Variants in CLSTN2 observed in about 807,000 individuals in gnomAD.
The protein encoded by CLSTN2 is calsyntenin 2.
CLSTN2 carries 48 observed loss-of-function variants against 101.2 expected under a neutral mutation model. The observed-to-expected ratio is 0.47, with a 90% CI of 0.38 to 0.60. CLSTN2 has a LOEUF of 0.60. Ranked by LOEUF, CLSTN2 falls within the 20% of genes least tolerant of loss-of-function variation. CLSTN2 has a pLI of 0.00. For missense variants in CLSTN2, 1,160 were observed against 1,238.2 expected, an observed-to-expected ratio of 0.94 and a Z score of 0.95; for synonymous variants, 481 against 463.6, an observed-to-expected ratio of 1.04 and a Z score of -0.48.
At chr3:140,481,081 T>C (rs1475885150) in intron 8 of CLSTN2, among the ~76,000 whole-genome samples, 1 of 152,210 alleles carries the variant, frequency 6.6e-6, no homozygotes, top group Non-Finnish European at 1.5e-5. Flanking sequence ...TGGTTTTAGG[T>C]CTAACATTTA....
intron 2 of CLSTN2, among the ~76,000 whole-genome samples, chr3:140,267,776 C>A (rs1347337685): frequency 6.6e-6 from 1 of 152,094 alleles, no homozygotes; most frequent in Non-Finnish European, 1.5e-5. Flanking sequence ...TTTGCTACCT[C>A]AACATTACAT....
chr3:140,419,034 T>TA (rs150492676), intron 4 of CLSTN2, among the ~76,000 whole-genome samples: 13 of 150,940 alleles, frequency 8.6e-5, no homozygotes, highest in East Asian at 2.0e-4. Context: ...GACCTTTTTT[T>TA]AAAAAAAAAA....
chr3:140,451,357 C>A (rs540927661), intron 6 of CLSTN2, among the ~76,000 whole-genome samples: 3 of 152,302 alleles, frequency 2.0e-5, no homozygotes, highest in African/African-American at 7.2e-5. Context: ...TACTGCCAAC[C>A]TTGCCTTGCA....
chr3:140,318,723 C>A (rs2087254267), intron 2 of CLSTN2, among the ~76,000 whole-genome samples: 1 of 152,180 alleles, frequency 6.6e-6, no homozygotes, highest in Non-Finnish European at 1.5e-5. Context: ...CTTATTGGAG[C>A]CACCAGTCTG....
chr3:140,325,859 T>C (rs1651398270), intron 2 of CLSTN2, among the ~76,000 whole-genome samples: 1 of 152,134 alleles, frequency 6.6e-6, no homozygotes, highest in African/African-American at 2.4e-5. Flanking sequence ...ACGCGTCAGG[T>C]TATAAATGAC....
chr3:140,468,613 C>T (rs1449753862), intron 8 of CLSTN2, among the ~76,000 whole-genome samples: 1 of 152,238 alleles, frequency 6.6e-6, no homozygotes, highest in African/African-American at 2.4e-5. Flanking sequence ...GTCTCTGCTA[C>T]AGCCCTTCCT....
chr3:140,106,609 C>G (rs958719032), intron 1 of CLSTN2, among the ~76,000 whole-genome samples: 3 of 152,188 alleles, frequency 2.0e-5, no homozygotes, highest in Non-Finnish European at 4.4e-5. Context: ...GACAAGGTTC[C>G]TCTCCAGGAT....
chr3:140,076,949 C>T (rs1017858019), intron 1 of CLSTN2, among the ~76,000 whole-genome samples: 2 of 152,082 alleles, frequency 1.3e-5, no homozygotes, highest in African/African-American at 2.4e-5. Context: ...ACAATATGCC[C>T]GCCCAGGCAC....
chr3:140,152,024 C>T (rs934616157), intron 1 of CLSTN2, among the ~76,000 whole-genome samples: 1 of 152,354 alleles, frequency 6.6e-6, no homozygotes, highest in East Asian at 1.9e-4. Context: ...TGGCCCAGCC[C>T]CTGGCTCCTG....
At chr3:140,051,971 G>C (rs1268524820) in intron 1 of CLSTN2, among the ~76,000 whole-genome samples, 2 of 152,134 alleles carry the variant, frequency 1.3e-5, no homozygotes, top group Non-Finnish European at 2.9e-5. Flanking sequence ...CTGAGCTGCT[G>C]GTCTGGGAAC....
chr3:140,218,269 TG>T (rs2107851038), intron 2 of CLSTN2, among the ~76,000 whole-genome samples: 1 of 152,354 alleles, frequency 6.6e-6, no homozygotes, highest in Admixed American at 6.5e-5. Flanking sequence ...CATTTGCTTT[TG>T]TTTTGCTTGT....
chr3:140,341,483 C>T (rs2087492462), intron 2 of CLSTN2, among the ~76,000 whole-genome samples: 1 of 152,202 alleles, frequency 6.6e-6, no homozygotes, highest in South Asian at 2.1e-4. Context: ...TGCACCCTCA[C>T]TGTAAAAGTG....
intron 2 of CLSTN2, among the ~76,000 whole-genome samples, chr3:140,254,245 A>G (rs931080638): frequency 1.3e-5 from 2 of 152,210 alleles, no homozygotes; most frequent in East Asian, 1.9e-4. Context: ...GCAAGAAGAA[A>G]AAATCATTAC....
intron 9 of CLSTN2, among the ~76,000 whole-genome samples, chr3:140,544,761 G>A (rs1453712548): frequency 1.3e-5 from 2 of 151,986 alleles, no homozygotes; most frequent in Non-Finnish European, 2.9e-5. Context: ...GTATGCAGGG[G>A]AGGGGTCCCA....
intron 1 of CLSTN2, among the ~76,000 whole-genome samples, chr3:140,136,474 T>C (rs1057316022): frequency 5.9e-5 from 9 of 152,366 alleles, no homozygotes; most frequent in African/African-American, 1.7e-4. Context: ...ACATTCAATA[T>C]ACAGTCACTA....
At chr3:140,466,578 C>G in intron 7 of CLSTN2, 32 bp from the exon 8 acceptor site, 1 of 1,613,844 alleles carries the variant, frequency 6.2e-7, no homozygotes, top group Non-Finnish European at 8.5e-7. Context: ...CAGGGGTTCT[C>G]TCACTCTTCA....
chr3:139,978,715 G>A (rs1304400618), intron 1 of CLSTN2, among the ~76,000 whole-genome samples: 2 of 150,158 alleles, frequency 1.3e-5, no homozygotes, highest in East Asian at 2.0e-4. Flanking sequence ...GTGTGGAAGG[G>A]AGAGGGAACC....
intron 1 of CLSTN2, among the ~76,000 whole-genome samples, chr3:140,132,796 G>A (rs1576439181): frequency 6.6e-6 from 1 of 152,150 alleles, no homozygotes; most frequent in Non-Finnish European, 1.5e-5. Context: ...TCACTTCCTT[G>A]TAATTACATC....
intron 1 of CLSTN2, among the ~76,000 whole-genome samples, chr3:140,133,207 T>C (rs1372330494): frequency 2.0e-5 from 3 of 152,146 alleles, no homozygotes; most frequent in African/African-American, 7.2e-5. Context: ...AACAACCAGC[T>C]TTCTTGTAAA....
Sources: allele counts gnomAD v4.1 joint callset (sites outside exome capture counted in the v4.1 genomes callset), GRCh38; gene constraint gnomAD v4.1.1; transcripts MANE v1.5; gene names NCBI Gene and HGNC (gene_info 2026-07-23, HGNC 2026-07-21).